The following TSNARE1 variants were observed in gnomAD, a reference collection of about 807,000 sequenced individuals.
TSNARE1 encodes t-SNARE domain-containing protein 1.
Under a neutral mutation model 62.0 loss-of-function variants are expected in TSNARE1, and 49 were observed. The ratio of observed to expected loss-of-function variants is 0.79; its 90% CI spans 0.63 to 1.00. The LOEUF is 1.00. TSNARE1 is among the 50% of genes least tolerant of loss of function. The pLI, the probability that TSNARE1 is intolerant of heterozygous loss-of-function variation, is 0.00. For missense variants in TSNARE1, 755 were observed against 700.1 expected (o/e 1.08, Z -0.88); for synonymous variants, 328 against 294.4 (o/e 1.11, Z -1.17).
intron 12 of TSNARE1, among the ~76,000 whole-genome samples, chr8:142,248,710 G>A (rs1029099851): frequency 6.6e-6 from 1 of 152,204 alleles, no homozygotes; most frequent in Non-Finnish European, 1.5e-5. Context: ...GAAGCCCGGA[G>A]GGAGGGGAAG....
intron 11 of TSNARE1, chr8:142,275,419 C>T (rs928398969): frequency 2.0e-6 from 2 of 985,216 alleles, no homozygotes; most frequent in Non-Finnish European, 2.4e-6. Flanking sequence ...CTGGGAAAAG[C>T]CGGGCTCGGT....
chr8:142,375,329 G>T (rs1412860653), intron 1 of TSNARE1, among the ~76,000 whole-genome samples: 1 of 152,250 alleles, frequency 6.6e-6, no homozygotes, highest in Admixed American at 6.5e-5. Flanking sequence ...GAGCAGCAGT[G>T]GAGCGGTGCC....
chr8:142,313,360 CTT>C (rs1226700682), intron 9 of TSNARE1, among the ~76,000 whole-genome samples: 3 of 148,888 alleles, frequency 2.0e-5, no homozygotes, highest in African/African-American at 5.0e-5. Context: ...CTACATGTCT[CTT>C]TATCTGTATG....
At chr8:142,251,860 C>T (rs1371346483) in intron 12 of TSNARE1, among the ~76,000 whole-genome samples, 2 of 144,456 alleles carry the variant, frequency 1.4e-5, no homozygotes, top group African/African-American at 2.6e-5. Flanking sequence ...ACCATGTACC[C>T]GCCGCCCGCA....
chr8:142,353,845 C>T (rs1022609149), intron 2 of TSNARE1, among the ~76,000 whole-genome samples: 5 of 152,008 alleles, frequency 3.3e-5, no homozygotes, highest in Admixed American at 6.5e-5. Flanking sequence ...AAGGGCCCCA[C>T]GGCGAGGGAG....
chr8:142,329,632 G>A (rs1308394846), intron 6 of TSNARE1, among the ~76,000 whole-genome samples: 7 of 152,286 alleles, frequency 4.6e-5, no homozygotes, highest in South Asian at 2.1e-4. Context: ...TCCTGAGCCC[G>A]AGCACCCCAG....
chr8:142,388,114 T>C (rs1225359511), intron 1 of TSNARE1, among the ~76,000 whole-genome samples: 4 of 152,150 alleles, frequency 2.6e-5, no homozygotes, highest in Admixed American at 2.6e-4. Context: ...AGCAACTTCG[T>C]TTGTATAATT....
rs561909247 is a variant in TSNARE1 at position 142,302,532 on chromosome 8, G to C, written c.1132-1888C>G. Among the ~76,000 whole-genome samples, 35 of 152,258 alleles carry C rather than the reference G, an allele frequency of 2.3e-4. No homozygotes were observed. The East Asian group carries it at 6.6e-3, about 29-fold the overall frequency. On this transcript the variant is annotated intron_variant, in intron 9 of 13. Transcript: ENST00000524325. ...AGCTCACACCATAGCCAGGGACTCA[G>C]CCACAGGCCCCCTCCCTTGCTGTCC...
At chr8:142,256,035 C>T (rs1446818815) in intron 12 of TSNARE1, among the ~76,000 whole-genome samples, 2 of 95,752 alleles carry the variant, frequency 2.1e-5, no homozygotes, top group African/African-American at 7.1e-5. Context: ...CCACTGTCAC[C>T]GTCACCACCA....
At chr8:142,239,454 A>AGGAC (rs1817585699) in intron 12 of TSNARE1, among the ~76,000 whole-genome samples, 1 of 152,270 alleles carries the variant, frequency 6.6e-6, no homozygotes, top group East Asian at 1.9e-4. Flanking sequence ...GGAAGGGGCT[A>AGGAC]GGACGATGTC....
rs574207369 is a variant in TSNARE1 at position 142,292,745 on chromosome 8, G to A, written c.1290+7741C>T. Among the ~76,000 whole-genome samples, 19 of 152,238 alleles carry A rather than the reference G, an allele frequency of 1.2e-4. No homozygotes were observed. The South Asian group carries it at 3.1e-3, about 25-fold the overall frequency. Reference sequence around the variant, plus strand: ...CAGAACGCCACCTAAGCCCCAAAGCGCATTGAGCATGGAGCCCTACTCCAG... The same window carrying A: ...CAGAACGCCACCTAAGCCCCAAAGCACATTGAGCATGGAGCCCTACTCCAG... On this transcript the variant is annotated intron_variant, in intron 10 of 13. Coordinates refer to ENST00000524325, the MANE Select transcript of TSNARE1 (RefSeq NM_145003.5).
At chr8:142,247,740 G>A (rs1222535412) in intron 12 of TSNARE1, 3 of 152,274 alleles carry the variant, frequency 2.0e-5, no homozygotes, top group Admixed American at 6.5e-5. Context: ...CCCGCTCCCA[G>A]GAGATCACCA....
At chr8:142,392,449 G>A (rs1165510006) in intron 1 of TSNARE1, among the ~76,000 whole-genome samples, 4 of 152,114 alleles carry the variant, frequency 2.6e-5, no homozygotes, top group African/African-American at 9.7e-5. Flanking sequence ...GTTAGATGAC[G>A]GGCAGTGTAG....
At chr8:142,318,158 T>C (rs1828879671) in intron 7 of TSNARE1, among the ~76,000 whole-genome samples, 1 of 152,014 alleles carries the variant, frequency 6.6e-6, no homozygotes, top group Admixed American at 6.6e-5. Flanking sequence ...CAGGTGGCCT[T>C]GGGTGGCGGA....
rs564581574 is a variant in TSNARE1, at chr8:142,390,416, C to T, written c.-40+12688G>A. On this transcript the variant is annotated intron_variant, in intron 1 of 13. Coordinates refer to ENST00000524325, the MANE Select transcript of TSNARE1 (RefSeq NM_145003.5). ...ACTCCGTAACAGACGCTGTACACTG[C>T]GGGGGACTCCGTAACAGAAGCTGTA... 9.4e-4 allele frequency among the ~76,000 whole-genome samples: 79 copies of T among 83,648 alleles called. 3 individuals are homozygous for T. Among genetic ancestry groups the T allele is most frequent in the African/African-American group, 4.0e-3 (68 of 16,808 alleles). 54.9% of individuals were successfully genotyped at this position (83,648 alleles called of 152,430 possible). A position where few individuals can be genotyped will look rare whatever the true frequency, so the allele number is the denominator to read the frequency against.
At chr8:142,390,838 C>A (rs1391731790) in intron 1 of TSNARE1, among the ~76,000 whole-genome samples, 5 of 81,486 alleles carry the variant, frequency 6.1e-5, no homozygotes, top group Admixed American at 2.2e-4. Flanking sequence ...CCGTAACAGA[C>A]GCTGTACACT....
chr8:142,237,177 G>A (rs995691392), intron 12 of TSNARE1, among the ~76,000 whole-genome samples: 4 of 151,586 alleles, frequency 2.6e-5, no homozygotes, highest in Admixed American at 6.6e-5. Context: ...CTCACCTGCC[G>A]CCTGCAGTCA....
chr8:142,347,160 G>A (rs1320377075), intron 2 of TSNARE1, among the ~76,000 whole-genome samples: 1 of 152,246 alleles, frequency 6.6e-6, no homozygotes, highest in Non-Finnish European at 1.5e-5. Flanking sequence ...GAGGGCAGCT[G>A]CCTGGCTCAT....
intron 12 of TSNARE1, among the ~76,000 whole-genome samples, chr8:142,242,966 A>AAT (rs1554628057): frequency 2.6e-5 from 4 of 151,724 alleles, no homozygotes; most frequent in African/African-American, 9.7e-5. Flanking sequence ...AAAAAAAAAA[A>AAT]AAAAGCTAAC....
Sources: allele counts gnomAD v4.1 joint callset (sites outside exome capture counted in the v4.1 genomes callset), GRCh38; gene constraint gnomAD v4.1.1; transcripts MANE v1.5; gene names NCBI Gene and HGNC (gene_info 2026-07-23, HGNC 2026-07-21).